ZDHHC21: variants seen among roughly 807,000 people sequenced by gnomAD.
The protein encoded by ZDHHC21 is zDHHC palmitoyltransferase 21.
A neutral mutation model predicts 34.6 loss-of-function variants in ZDHHC21; 15 were observed. That is an observed-to-expected ratio of 0.43 (90% CI 0.29 to 0.67). The LOEUF (loss-of-function observed/expected upper bound fraction) is 0.67, where lower values mean the gene tolerates loss of function less well. Among genes scored for constraint, ZDHHC21 ranks in the 30% least tolerant of loss-of-function variants. The probability of loss-of-function intolerance (pLI) is 0.14; values close to 1 mark genes in which losing one functional copy is unlikely to be tolerated. For missense variants in ZDHHC21, 344 were observed against 327.7 expected (o/e 1.05, Z -0.38); for synonymous variants, 142 against 101.8 (o/e 1.40, Z -2.38).
chr9:14,629,706 G>C (rs1826984355), intron 8 of ZDHHC21, among the ~76,000 whole-genome samples: 1 of 152,090 alleles, frequency 6.6e-6, no homozygotes, highest in South Asian at 2.1e-4. Context: ...CCTCCAAGTT[G>C]ACAGCTTCTG....
At position 14,612,558 on chromosome 9, in the gene ZDHHC21, TA is replaced by T. The variant is rs953853280; in HGVS notation, c.*6407del. On this transcript the variant is annotated 3_prime_UTR_variant, in exon 10 of 10. Transcript: ENST00000380916. ...ATTAACTACTAAGCAAAATTAGTTT[TA>T]AAAATCTTACTCTATGTAAAGTGAG... 2.6e-5 allele frequency: 4 copies of T among 151,986 alleles called. No homozygotes were observed. The highest frequency in any genetic ancestry group is 5.9e-5 in the Non-Finnish European group (4 of 67,906). The allele number at this position is 151,986 out of a possible 1,614,324, so 9.4% of individuals were successfully genotyped here. A position where few individuals can be genotyped will look rare whatever the true frequency, so the allele number is the denominator to read the frequency against.
At chr9:14,622,007 T>C (rs1247216158) in intron 8 of ZDHHC21, among the ~76,000 whole-genome samples, 1 of 152,104 alleles carries the variant, frequency 6.6e-6, no homozygotes, top group Admixed American at 6.6e-5. Context: ...AAATACAAAA[T>C]ATAAGTCCTC....
In ZDHHC21 at chr9:14,613,083, T is replaced by G. The variant is rs1050016319; in HGVS notation, c.*5883A>C. On this transcript the variant is annotated 3_prime_UTR_variant, in exon 10 of 10. Coordinates refer to ENST00000380916, the MANE Select transcript of ZDHHC21 (RefSeq NM_178566.6). ...TGTAATTTCAGCCTATCAAACTACC[T>G]TTTAAAGTAGCCAAGCTATATTAAA... The G allele has an allele frequency of 6.6e-6, 1 of 151,756 alleles. No individual in the cohort carries two copies. The highest frequency in any genetic ancestry group is 2.4e-5 in the African/African-American group (1 of 41,368). 9.4% of individuals were successfully genotyped at this position (151,756 alleles called of 1,614,324 possible).
chr9:14,663,003 T>G (rs1833683378), intron 5 of ZDHHC21, among the ~76,000 whole-genome samples: 1 of 152,204 alleles, frequency 6.6e-6, no homozygotes, highest in Admixed American at 6.5e-5. Flanking sequence ...CATAAAACAC[T>G]GAACTACCAC....
At chr9:14,682,164 T>C (rs1177887135) in intron 2 of ZDHHC21, among the ~76,000 whole-genome samples, 1 of 152,186 alleles carries the variant, frequency 6.6e-6, no homozygotes, top group Non-Finnish European at 1.5e-5. Context: ...AACATCATAA[T>C]GACAGGATCA....
At position 14,692,948 on chromosome 9, in the gene ZDHHC21, C is replaced by T. The variant is rs189444992; in HGVS notation, c.-225+281G>A. The stretch of plus-strand genomic sequence containing the variant: ...AACATCGTCTCGACTAGAGCAGGAA[C>T]CCCCCACCCCCAGTTGAGGGAGGAG... On this transcript the variant is annotated intron_variant, in intron 1 of 9. Transcript: ENST00000380916. Among the ~76,000 whole-genome samples the T allele has an allele frequency of 3.2e-4, 48 of 151,924 alleles. No individual in the cohort carries two copies. The South Asian group carries it at 4.4e-3, about 14-fold the overall frequency.
intron 7 of ZDHHC21, among the ~76,000 whole-genome samples, chr9:14,642,608 G>C (rs1829563407): frequency 1.3e-5 from 2 of 152,158 alleles, no homozygotes. Context: ...CTTATAAGAA[G>C]AGGAAATTTG....
chr9:14,614,889 T>C lies in ZDHHC21; in HGVS notation c.*4077A>G, dbSNP rs1823912080. On this transcript the variant is annotated 3_prime_UTR_variant, in exon 10 of 10. Transcript: ENST00000380916. Reference sequence around the variant, plus strand: ...TAAATTCTAGATATATCTATGTATATTAGAGGTCATGTCAGAAACTTATTC... The same window carrying C: ...TAAATTCTAGATATATCTATGTATACTAGAGGTCATGTCAGAAACTTATTC... 1.3e-5 allele frequency: 2 copies of C among 151,666 alleles called. No homozygotes were observed. The highest frequency in any genetic ancestry group is 1.5e-5 in the Non-Finnish European group (1 of 67,678). 9.4% of individuals were successfully genotyped at this position (151,666 alleles called of 1,614,324 possible).
intron 4 of ZDHHC21, among the ~76,000 whole-genome samples, chr9:14,673,601 C>T (rs918262305): frequency 6.6e-6 from 1 of 151,578 alleles, no homozygotes; most frequent in African/African-American, 2.4e-5. Context: ...CTGCATAGTA[C>T]CGGTCAGTTT....
chr9:14,629,109 TC>T (rs1826848852), intron 8 of ZDHHC21, among the ~76,000 whole-genome samples: 1 of 152,234 alleles, frequency 6.6e-6, no homozygotes, highest in Non-Finnish European at 1.5e-5. Flanking sequence ...ATATCCTCTC[TC>T]TTGCTTTCTC....
chr9:14,672,219 T>C (rs1835596434), intron 5 of ZDHHC21, among the ~76,000 whole-genome samples: 3 of 152,144 alleles, frequency 2.0e-5, no homozygotes, highest in Admixed American at 1.3e-4. Context: ...AATTCAGTTA[T>C]ATGAAACTGC....
At chr9:14,610,481 AATT>A (rs1340395318), downstream of ZDHHC21, among the ~76,000 whole-genome samples, 2 of 152,056 alleles carry the variant, frequency 1.3e-5, no homozygotes, top group Admixed American at 1.3e-4. Flanking sequence ...TATTTTTCAA[AATT>A]ACTTTTCTGG....
chr9:14,662,275 C>A lies in ZDHHC21; in HGVS notation c.305G>T (p.Arg102Leu). 8.1e-6 allele frequency: 13 copies of A among 1,612,872 alleles called. No homozygotes were observed. Among genetic ancestry groups the A allele is most frequent in the Non-Finnish European group, 1.1e-5 (13 of 1,179,564 alleles). The change falls in exon 6 of 10, where the codon CGT becomes CTT. Residue 102 changes from arginine to leucine, a missense_variant. By Grantham distance (102) the Arg-to-Leu change is moderately radical. Coordinates refer to ENST00000380916, the MANE Select transcript of ZDHHC21 (RefSeq NM_178566.6). ...GCCGCAGCGGCTACAGTGATGGGAA[C>A]GCTTTGGTCTCATCAAATTACACTT... ...CNKCNLMRPK[R>L]SHHCSRCGHC... is the part of the protein sequence containing the mutation.
At chr9:14,591,892 C>T in the ZDHHC21 span, among the ~76,000 whole-genome samples, 2 of 151,078 alleles carry the variant, frequency 1.3e-5, no homozygotes, top group African/African-American at 2.5e-5. Context: ...ATGATTACTG[C>T]TTGCATGATA....
chr9:14,611,641 AT>A lies in ZDHHC21; in HGVS notation c.*7324del, dbSNP rs1251467483. On this transcript the variant is annotated 3_prime_UTR_variant, in exon 10 of 10. Transcript: ENST00000380916. The stretch of plus-strand genomic sequence containing the variant: ...AGACAGAACTTGGGGTTCACACATA[AT>A]TTTAGGAGCCTCAAGAATAACATAG... 6.6e-6 allele frequency: 1 copy of A among 151,974 alleles called. No individual in the cohort carries two copies. The highest frequency in any genetic ancestry group is 1.5e-5 in the Non-Finnish European group (1 of 67,948). The allele number at this position is 151,974 out of a possible 1,614,324, so 9.4% of individuals were successfully genotyped here.
chr9:14,599,179 T>A, the ZDHHC21 span, among the ~76,000 whole-genome samples: 7 of 152,126 alleles, frequency 4.6e-5, no homozygotes, highest in Non-Finnish European at 8.8e-5. Flanking sequence ...AGGAACAGCT[T>A]TGGTCTGCAG....
chr9:14,664,727 A>G (rs1277642871), intron 5 of ZDHHC21, among the ~76,000 whole-genome samples: 11 of 152,046 alleles, frequency 7.2e-5, no homozygotes, highest in Admixed American at 1.3e-4. Context: ...GGCACCCCCC[A>G]GCAGGGGCAC....
At chr9:14,667,434 G>C (rs1834665105) in intron 5 of ZDHHC21, among the ~76,000 whole-genome samples, 1 of 152,012 alleles carries the variant, frequency 6.6e-6, no homozygotes, top group Non-Finnish European at 1.5e-5. Context: ...AGGAGGAACT[G>C]ATACCCTTCC....
At chr9:14,665,999 T>A (rs1248985308) in intron 5 of ZDHHC21, among the ~76,000 whole-genome samples, 1 of 149,172 alleles carries the variant, frequency 6.7e-6, no homozygotes, top group East Asian at 2.0e-4. Flanking sequence ...CACATAACAA[T>A]ATTAACTTTA....
Sources: gnomAD v4.1 joint callset for allele counts (sites outside exome capture counted in the v4.1 genomes callset) on GRCh38, gnomAD v4.1.1 for gene constraint, MANE v1.5 for transcripts, NCBI Gene and HGNC (gene_info 2026-07-23, HGNC 2026-07-21) for gene names.